Variants in PIK3C2G observed in about 807,000 individuals in gnomAD.
PIK3C2G encodes the protein phosphatidylinositol-4-phosphate 3-kinase catalytic subunit type 2 gamma, also known as phosphatidylinositol 3-kinase C2 domain-containing subunit gamma.
PIK3C2G carries 168 observed loss-of-function variants against 181.1 expected under a neutral mutation model. The observed-to-expected ratio is 0.93, with a 90% CI of 0.82 to 1.05. The LOEUF (loss-of-function observed/expected upper bound fraction) is 1.05. PIK3C2G is among the 50% of genes least tolerant of loss of function. The pLI, the probability that PIK3C2G is intolerant of heterozygous loss-of-function variation, is 0.00. For missense variants in PIK3C2G, 1,869 were observed against 1,732.8 expected (o/e 1.08, Z -1.40); for synonymous variants, 573 against 592.2 (o/e 0.97, Z 0.47).
chr12:18,346,615 C>G (rs371385113), intron 10 of PIK3C2G, 26 bp from the exon 11 acceptor site: 1 of 1,458,904 alleles, frequency 6.9e-7, no homozygotes, highest in Non-Finnish European at 9.5e-7. Flanking sequence ...TTCTTAGTGA[C>G]TTGATCTCTA....
At chr12:18,710,577 T>A in the PIK3C2G span, among the ~76,000 whole-genome samples, 1 of 152,086 alleles carries the variant, frequency 6.6e-6, no homozygotes, top group African/African-American at 2.4e-5. Flanking sequence ...CTGGTTGATA[T>A]GTTGAGATGA....
At chr12:18,317,569 T>C (rs1449623068) in intron 6 of PIK3C2G, among the ~76,000 whole-genome samples, 2 of 152,174 alleles carry the variant, frequency 1.3e-5, no homozygotes, top group African/African-American at 4.8e-5. Flanking sequence ...AATGAAGTCC[T>C]ATGGAGATAT....
intron 1 of PIK3C2G, among the ~76,000 whole-genome samples, chr12:18,266,241 C>T (rs1232396641): frequency 1.3e-5 from 2 of 151,610 alleles, no homozygotes; most frequent in African/African-American, 2.4e-5. Context: ...TTGGAAAATA[C>T]GGATGGTATT....
intron 18 of PIK3C2G, among the ~76,000 whole-genome samples, chr12:18,484,965 T>C (rs1376387254): frequency 1.3e-5 from 2 of 152,134 alleles, no homozygotes; most frequent in Admixed American, 6.6e-5. Context: ...AGTAGCAAAA[T>C]ATACAAGATG....
the PIK3C2G span, among the ~76,000 whole-genome samples, chr12:18,685,082 G>C: frequency 6.6e-6 from 1 of 151,958 alleles, no homozygotes; most frequent in African/African-American, 2.4e-5. Flanking sequence ...AGAATCTTTA[G>C]AGCAATATGA....
the PIK3C2G span, chr12:18,699,775 T>C: frequency 6.2e-7 from 1 of 1,605,646 alleles, no homozygotes; most frequent in Non-Finnish European, 8.5e-7. Context: ...TTTCATCTAT[T>C]TGAGTCACAA....
chr12:18,250,220 G>C (rs1306930257), intron 1 of PIK3C2G, among the ~76,000 whole-genome samples: 1 of 151,864 alleles, frequency 6.6e-6, no homozygotes, highest in Non-Finnish European at 1.5e-5. Context: ...AATATAAAAT[G>C]GCACATATTA....
At chr12:18,439,305 T>G (rs1946609874) in intron 18 of PIK3C2G, among the ~76,000 whole-genome samples, 1 of 152,008 alleles carries the variant, frequency 6.6e-6, no homozygotes, top group Non-Finnish European at 1.5e-5. Context: ...AGATCGCCAG[T>G]TGATACATGT....
intron 13 of PIK3C2G, among the ~76,000 whole-genome samples, chr12:18,372,328 T>C (rs1330739524): frequency 6.6e-6 from 1 of 152,126 alleles, no homozygotes; most frequent in Non-Finnish European, 1.5e-5. Flanking sequence ...TATCATCTAA[T>C]GTAGCACCTC....
At chr12:18,620,835 A>G (rs1040192964) in intron 31 of PIK3C2G, among the ~76,000 whole-genome samples, 10 of 152,078 alleles carry the variant, frequency 6.6e-5, no homozygotes, top group African/African-American at 2.2e-4. Context: ...GCATATTCAC[A>G]TTATTGACAC....
chr12:18,460,718 T>C (rs1032296840), intron 18 of PIK3C2G, among the ~76,000 whole-genome samples: 1 of 151,324 alleles, frequency 6.6e-6, no homozygotes, highest in Non-Finnish European at 1.5e-5. Flanking sequence ...TGTTGCTATA[T>C]GAAAATTAGA....
At chr12:18,654,760 G>A in the PIK3C2G span, among the ~76,000 whole-genome samples, 1 of 152,114 alleles carries the variant, frequency 6.6e-6, no homozygotes, top group Non-Finnish European at 1.5e-5. Context: ...TACTCATAAG[G>A]ATCAAGATAA....
intron 26 of PIK3C2G, 69 bp downstream of exon 26, chr12:18,546,501 A>G: frequency 1.2e-6 from 1 of 862,188 alleles, no homozygotes; most frequent in Non-Finnish European, 1.9e-6. Context: ...CACAGTGGAG[A>G]TGATTTCAGG....
At chr12:18,659,078 A>G in the PIK3C2G span, among the ~76,000 whole-genome samples, 1 of 152,136 alleles carries the variant, frequency 6.6e-6, no homozygotes. Flanking sequence ...CATGGATAGG[A>G]AACAGTAGGG....
the PIK3C2G span, among the ~76,000 whole-genome samples, chr12:18,699,561 C>CA: frequency 6.6e-6 from 1 of 152,094 alleles, no homozygotes; most frequent in Non-Finnish European, 1.5e-5. Context: ...AATGTGGCCA[C>CA]ATCGGACATT....
chr12:18,690,604 G>A, the PIK3C2G span, among the ~76,000 whole-genome samples: 1 of 152,070 alleles, frequency 6.6e-6, no homozygotes, highest in African/African-American at 2.4e-5. Flanking sequence ...AAAACCTTGT[G>A]ATAAATGCCA....
At chr12:18,626,824 T>C (rs1949120473) in intron 31 of PIK3C2G, among the ~76,000 whole-genome samples, 1 of 152,064 alleles carries the variant, frequency 6.6e-6, no homozygotes, top group African/African-American at 2.4e-5. Context: ...AATTTTTTCT[T>C]TGATTTTTTT....
At chr12:18,399,119 C>T (rs1279614791) in intron 15 of PIK3C2G, among the ~76,000 whole-genome samples, 2 of 145,872 alleles carry the variant, frequency 1.4e-5, no homozygotes, top group South Asian at 2.2e-4. Flanking sequence ...GGCGTGAACC[C>T]GGGAGGCGGA....
At chr12:18,496,282 G>A (rs2136084840) in intron 21 of PIK3C2G, 128 bp downstream of exon 21, 1 of 649,800 alleles carries the variant, frequency 1.5e-6, no homozygotes, top group East Asian at 2.9e-5. Flanking sequence ...TTATTTTAGA[G>A]TCTGCCTTTT....
Sources: allele counts gnomAD v4.1 joint callset (sites outside exome capture counted in the v4.1 genomes callset), GRCh38; gene constraint gnomAD v4.1.1; transcripts MANE v1.5; gene names NCBI Gene and HGNC (gene_info 2026-07-23, HGNC 2026-07-21).